The following RAD50 variants were observed in gnomAD, a reference collection of about 807,000 sequenced individuals.
RAD50 encodes DNA repair protein RAD50.
A neutral mutation model predicts 168.8 loss-of-function variants in RAD50; 132 were observed. The observed-to-expected ratio is 0.78, with a 90% CI of 0.68 to 0.90. The LOEUF is 0.90. Ranked by LOEUF, RAD50 falls within the 40% of genes least tolerant of loss-of-function variation. The pLI is 0.00. For synonymous variants in RAD50, 525 were observed against 497.4 expected, an observed-to-expected ratio of 1.06 and a Z score of -0.74; for missense variants, 1,347 against 1,534.4, an observed-to-expected ratio of 0.88 and a Z score of 2.04.
At chr5:132,566,104 T>G in intron 2 of RAD50, among the ~76,000 whole-genome samples, 1 of 152,232 alleles carries the variant, frequency 6.6e-6, no homozygotes, top group Admixed American at 6.5e-5. Flanking sequence ...TTCTGAAGTA[T>G]AATACACATT....
intron 23 of RAD50, among the ~76,000 whole-genome samples, chr5:132,640,070 T>C (rs766818492): frequency 3.3e-5 from 5 of 152,204 alleles, no homozygotes; most frequent in African/African-American, 9.6e-5. Context: ...AGGTTTCTAG[T>C]AACCACGAAA....
intron 2 of RAD50, among the ~76,000 whole-genome samples, chr5:132,559,581 T>C (rs1017477052): frequency 8.5e-5 from 13 of 152,218 alleles, no homozygotes; most frequent in African/African-American, 3.1e-4. Flanking sequence ...TAATTTTGTA[T>C]TCTGGGTTTT....
chr5:132,565,413 T>C (rs1400747285), intron 2 of RAD50, among the ~76,000 whole-genome samples: 2 of 152,194 alleles, frequency 1.3e-5, no homozygotes, highest in Admixed American at 6.5e-5. Flanking sequence ...TAGCACCTCA[T>C]ATGGGCTGAC....
intron 24 of RAD50, 137 bp downstream of exon 24, chr5:132,640,942 G>A: frequency 6.9e-7 from 1 of 1,440,764 alleles, no homozygotes; most frequent in South Asian, 1.2e-5. Flanking sequence ...GGGGAAGCCA[G>A]TTGGTGCCAG....
At chr5:132,569,425 G>T (rs2706347) in intron 2 of RAD50, among the ~76,000 whole-genome samples, 47,272 of 151,950 alleles carry the variant, frequency 0.31, 9,350 homozygotes, top group African/African-American at 0.57. Flanking sequence ...TTTATGATGA[G>T]AAGAGGTCAA....
In RAD50 at chr5:132,588,746, A is replaced by G; in HGVS notation, c.1111A>G (p.Ile371Val). 1 of 1,614,040 alleles carries G rather than the reference A, an allele frequency of 6.2e-7. No homozygotes were observed. The highest frequency in any genetic ancestry group is 8.5e-7 in the Non-Finnish European group (1 of 1,179,958). ...QEHIRARDSL[I>V]QSLATQLELD... is the part of the protein sequence containing the mutation. The stretch of plus-strand genomic sequence containing the variant: ...ACATATCCGAGCTAGAGATTCATTA[A>G]TTCAGTCTTTGGCAACACAGCTAGA... The change falls in exon 8 of 25, where the codon ATT (isoleucine) becomes GTT (valine). Residue 371 changes from isoleucine to valine, a missense_variant. By Grantham distance (29) the Ile-to-Val change is conservative (BLOSUM62 3). Transcript: ENST00000378823.
Position 132,603,355 on chromosome 5 carries a change from C to T in RAD50, c.2263C>T (p.Gln755Ter), listed in dbSNP as rs765975825. 9.3e-6 allele frequency: 15 copies of T among 1,613,612 alleles called. No individual in the cohort carries two copies. Among genetic ancestry groups the T allele is most frequent in the East Asian group, 6.7e-5 (3 of 44,836 alleles). Residue 755 changes from glutamine (Q) to a stop codon, truncating the protein, a stop_gained, in exon 14 of 25, where the codon CAG becomes TAG. Transcript: ENST00000378823. LOFTEE classifies it high-confidence loss of function. Reference protein sequence around the residue: ...KEIPELRNKLQNVNRDIQRLK... With the variant: ...KEIPELRNKL Reference sequence around the variant, plus strand: ...AATACCAGAATTAAGAAACAAACTGCAGAATGTCAATAGAGACATACAGCG... The same window carrying T: ...AATACCAGAATTAAGAAACAAACTGTAGAATGTCAATAGAGACATACAGCG...
intron 9 of RAD50, among the ~76,000 whole-genome samples, chr5:132,590,850 T>G (rs537461919): frequency 6.6e-6 from 1 of 152,310 alleles, no homozygotes; most frequent in African/African-American, 2.4e-5. Flanking sequence ...CACACTATTT[T>G]TATAGTTTCT....
Position 132,640,882 on chromosome 5 carries a change from C to G in RAD50, c.3752+77C>G. On this transcript the variant is annotated intron_variant, in intron 24 of 24. Transcript: ENST00000378823. ...ACAGGTTGTGATAGTTCTTCAAAAC[C>G]AAGAGAGTTCTGTGATGAAAACGTT... 2.5e-6 allele frequency: 4 copies of G among 1,599,092 alleles called. No individual in the cohort carries two copies. The South Asian group carries it at 3.3e-5, about 13-fold the overall frequency.
chr5:132,614,125 TAGCTGTCTGGTAACAATGCAGGTAGAC>T (rs766499814), intron 19 of RAD50, among the ~76,000 whole-genome samples: 12 of 152,200 alleles, frequency 7.9e-5, no homozygotes, highest in Non-Finnish European at 1.5e-4. Flanking sequence ...AAGAAATGCC[TAGCTGTCTGGTAACAATGCAGGTAGAC>T]AGACCAGCAA....
chr5:132,606,784 C>CT, intron 16 of RAD50, among the ~76,000 whole-genome samples: 1 of 152,298 alleles, frequency 6.6e-6, no homozygotes, highest in African/African-American at 2.4e-5. Flanking sequence ...ATCAAGTCGG[C>CT]TTTATTCCTG....
intron 16 of RAD50, among the ~76,000 whole-genome samples, chr5:132,606,656 G>C (rs1312187999): frequency 6.6e-6 from 1 of 152,098 alleles, no homozygotes; most frequent in African/African-American, 2.4e-5. Flanking sequence ...ACCTAGCAGA[G>C]ACACAACAAA....
rs1581004673 is a variant in RAD50 at position 132,609,170 on chromosome 5, T to G, written c.2883T>G (p.Ile961Met). 6.2e-7 allele frequency: 1 copy of G among 1,611,814 alleles called. No individual in the cohort carries two copies. ...VKNIHGYMKD[I>M]ENYIQDGKDD... Reference sequence around the variant, plus strand: ...ATATTCATGGCTATATGAAAGACATTGAGAATTATATTCAAGATGGGAAAG... The same window carrying G: ...ATATTCATGGCTATATGAAAGACATGGAGAATTATATTCAAGATGGGAAAG... Residue 961 changes from isoleucine (I) to methionine (M), a missense_variant, in exon 18 of 25, where the codon ATT becomes ATG. Ile to Met is a conservative substitution (Grantham distance 10). Transcript: ENST00000378823.
chr5:132,566,819 TTCTG>T (rs1750217749), intron 2 of RAD50, among the ~76,000 whole-genome samples: 2 of 152,238 alleles, frequency 1.3e-5, no homozygotes, highest in Admixed American at 1.3e-4. Context: ...ATTCTGAAAT[TTCTG>T]TAGTCACGTA....
chr5:132,589,429 A>G (rs1750656604), intron 8 of RAD50, among the ~76,000 whole-genome samples: 1 of 152,210 alleles, frequency 6.6e-6, no homozygotes, highest in African/African-American at 2.4e-5. Flanking sequence ...AAACTATACC[A>G]TGTAGGCTTA....
At chr5:132,558,084 A>AT (rs1249708941) in intron 1 of RAD50, among the ~76,000 whole-genome samples, 2 of 152,162 alleles carry the variant, frequency 1.3e-5, no homozygotes, top group African/African-American at 4.8e-5. Context: ...CTGGTCAGGA[A>AT]TAGTGGCTTA....
chr5:132,581,269 A>T (rs1480518444), intron 5 of RAD50, among the ~76,000 whole-genome samples: 1 of 118,712 alleles, frequency 8.4e-6, no homozygotes, highest in South Asian at 2.2e-4. Context: ...CCGGCTAAAT[A>T]AAAAAAAAAA....
At chr5:132,591,434 T>C (rs1472963010) in intron 10 of RAD50, 28 bp downstream of exon 10, 3 of 1,587,032 alleles carry the variant, frequency 1.9e-6, no homozygotes, top group African/African-American at 1.3e-5. Flanking sequence ...GTTCTAATTA[T>C]ACTGTCTGGT....
intron 21 of RAD50, among the ~76,000 whole-genome samples, chr5:132,627,369 C>T (rs1751389099): frequency 6.6e-6 from 1 of 151,928 alleles, no homozygotes; most frequent in African/African-American, 2.4e-5. Flanking sequence ...GTTCTAGATA[C>T]TAAGTATATA....
Sources: allele counts gnomAD v4.1 joint callset (sites outside exome capture counted in the v4.1 genomes callset), GRCh38; gene constraint gnomAD v4.1.1; transcripts MANE v1.5; gene names NCBI Gene and HGNC (gene_info 2026-07-23, HGNC 2026-07-21).